Variants in IGSF23 observed in about 807,000 individuals in gnomAD.
IGSF23 encodes immunoglobulin superfamily, member 23.
IGSF23 carries 14 observed loss-of-function variants against 17.8 expected under a neutral mutation model. The observed-to-expected ratio is 0.79, with a 90% confidence interval of 0.52 to 1.23. The LOEUF (loss-of-function observed/expected upper bound fraction) is 1.23, where lower values mean the gene tolerates loss of function less well. Ranked by LOEUF, IGSF23 falls within the 50% of genes most tolerant of loss-of-function variation. The pLI, the probability that IGSF23 is intolerant of heterozygous loss-of-function variation, is 0.00. For missense variants in IGSF23, 214 were observed against 241.7 expected, an observed-to-expected ratio of 0.89 and a Z score of 0.76; for synonymous variants, 85 against 92.5, an observed-to-expected ratio of 0.92 and a Z score of 0.46.
At position 44,623,932 on chromosome 19, in the gene IGSF23, GA is replaced by G; in HGVS notation, c.354del (p.Lys118AsnfsTer8). 6.4e-7 allele frequency: 1 copy of G among 1,550,782 alleles called. No homozygotes were observed. The highest frequency in any genetic ancestry group is 1.2e-5 in the South Asian group (1 of 84,064). ...ACATGTGCATAGCCACAAACAGCAAGAAACAGCTGGTCTCTGAGCCTGTAAC... is the reference window on the plus strand; with the variant it reads ...ACATGTGCATAGCCACAAACAGCAAGAACAGCTGGTCTCTGAGCCTGTAAC... ...TYMCIATNSK[K>X]QLVSEPVTIS... On this transcript the variant is annotated frameshift_variant, in exon 2 of 5. Transcript: ENST00000402988. LOFTEE classifies it high-confidence loss of function.
At position 44,629,048 on chromosome 19, in the gene IGSF23, A is replaced by G. The variant is rs145353460; in HGVS notation, c.545+1475A>G. 4.5e-3 allele frequency among the ~76,000 whole-genome samples: 678 copies of G among 152,264 alleles called. 2 individuals are homozygous for G. The highest frequency in any genetic ancestry group is 0.014 in the African/African-American group (600 of 41,548). On this transcript the variant is annotated intron_variant, in intron 3 of 4. Coordinates refer to ENST00000402988, the MANE Select transcript of IGSF23 (RefSeq NM_001205280.2). Reference sequence around the variant, plus strand: ...GCCCAGGGTGGCCAGAGTGGTGTGAAGAATGGGCAGAGAAGTAACATGTGG... The same window carrying G: ...GCCCAGGGTGGCCAGAGTGGTGTGAGGAATGGGCAGAGAAGTAACATGTGG...
intron 1 of IGSF23, among the ~76,000 whole-genome samples, chr19:44,620,370 T>C (rs1266431910): frequency 1.3e-5 from 2 of 151,266 alleles, no homozygotes; most frequent in Admixed American, 6.6e-5. Flanking sequence ...TGTGTGTGTG[T>C]GTGTGTGTGT....
At chr19:44,634,622 G>C (rs1972845063) in intron 3 of IGSF23, among the ~76,000 whole-genome samples, 1 of 152,130 alleles carries the variant, frequency 6.6e-6, no homozygotes, top group African/African-American at 2.4e-5. Flanking sequence ...GCGTCCTCCA[G>C]AAAAGAAAGA....
At chr19:44,634,360 A>C (rs925785025) in intron 3 of IGSF23, among the ~76,000 whole-genome samples, 32 of 152,148 alleles carry the variant, frequency 2.1e-4, no homozygotes, top group Non-Finnish European at 4.4e-5. Context: ...CTGGCAGCTG[A>C]CTTGCTGATT....
chr19:44,613,904 C>T, intron 1 of IGSF23, 134 bp downstream of exon 1: 1 of 1,548,410 alleles, frequency 6.5e-7, no homozygotes, highest in South Asian at 1.2e-5. Context: ...ACCTTCTCTG[C>T]ACAGTCCCTG....
intron 1 of IGSF23, among the ~76,000 whole-genome samples, chr19:44,621,000 G>C (rs575193140): frequency 3.3e-5 from 5 of 152,154 alleles, no homozygotes; most frequent in Admixed American, 6.5e-5. Flanking sequence ...TGTTAGCCCT[G>C]GCCAGGTGCT....
chr19:44,619,977 A>T (rs1225773453), intron 1 of IGSF23, among the ~76,000 whole-genome samples: 1 of 152,196 alleles, frequency 6.6e-6, no homozygotes, highest in Admixed American at 6.6e-5. Flanking sequence ...AGACTCAAAA[A>T]GTTCCAGTGT....
chr19:44,634,286 C>T (rs1442512995), intron 3 of IGSF23, among the ~76,000 whole-genome samples: 2 of 152,188 alleles, frequency 1.3e-5, no homozygotes, highest in African/African-American at 4.8e-5. Flanking sequence ...CTGATTAGCC[C>T]AGTGTTTTCC....
intron 2 of IGSF23, among the ~76,000 whole-genome samples, 177 bp from the exon 3 acceptor site, chr19:44,627,243 G>A (rs1332798163): frequency 1.3e-5 from 2 of 152,194 alleles, no homozygotes; most frequent in African/African-American, 4.8e-5. Context: ...GTGGTAGGAA[G>A]GTGGATGGGT....
intron 1 of IGSF23, among the ~76,000 whole-genome samples, chr19:44,621,108 G>A (rs745533288): frequency 5.4e-4 from 80 of 147,002 alleles, no homozygotes; most frequent in African/African-American, 1.9e-3. Context: ...ATGATGAGAC[G>A]CCCATCTCAA....
At chr19:44,621,495 C>G (rs1029489364) in intron 1 of IGSF23, among the ~76,000 whole-genome samples, 8 of 150,510 alleles carry the variant, frequency 5.3e-5, no homozygotes, top group Non-Finnish European at 1.0e-4. Flanking sequence ...CAAAAAATAG[C>G]TGGATGTAGT....
rs749172636 is a variant in IGSF23 at position 44,613,710 on chromosome 19, C to T, written c.65C>T (p.Thr22Ile). 1.1e-5 allele frequency: 17 copies of T among 1,550,492 alleles called. No homozygotes were observed. In the South Asian group the frequency reaches 1.2e-4, roughly 11 times the overall value. ...NPVPAWSPPT[T>I]TTDPMLEKDA... Reference sequence around the variant, plus strand: ...GTCCCAGCCTGGTCCCCACCCACCACCACCACTGACCCGATGCTAGAGAAG... The same window carrying T: ...GTCCCAGCCTGGTCCCCACCCACCATCACCACTGACCCGATGCTAGAGAAG... The change falls in exon 1 of 5, where the codon ACC (threonine) becomes ATC (isoleucine). Residue 22 changes from threonine (T) to isoleucine (I), a missense_variant. Thr to Ile is a moderately conservative substitution (Grantham distance 89, BLOSUM62 -1). Coordinates refer to ENST00000402988, the MANE Select transcript of IGSF23 (RefSeq NM_001205280.2).
At chr19:44,621,753 G>A (rs1299636800) in intron 1 of IGSF23, among the ~76,000 whole-genome samples, 1 of 152,136 alleles carries the variant, frequency 6.6e-6, no homozygotes, top group East Asian at 1.9e-4. Context: ...CTAACCAAAA[G>A]GCAAGTGTAG....
At chr19:44,635,348 T>C in intron 3 of IGSF23, 53 bp from the exon 4 acceptor site, 1 of 976,324 alleles carries the variant, frequency 1.0e-6, no homozygotes, top group East Asian at 4.1e-5. Context: ...ATGATTCTTA[T>C]TCTCTCTCTC....
At chr19:44,617,304 C>T (rs996538216) in intron 1 of IGSF23, among the ~76,000 whole-genome samples, 6 of 150,948 alleles carry the variant, frequency 4.0e-5, no homozygotes, top group Admixed American at 1.3e-4. Context: ...TTTGGGGTGA[C>T]GAAAATGTCC....
At chr19:44,627,618 G>GC (rs765306451) in intron 3 of IGSF23, 45 bp downstream of exon 3, 27 of 1,515,736 alleles carry the variant, frequency 1.8e-5, no homozygotes, top group Non-Finnish European at 2.3e-5. Flanking sequence ...CATCCACTCA[G>GC]CCCCCATGGG....
At chr19:44,631,252 G>A (rs1023164317) in intron 3 of IGSF23, among the ~76,000 whole-genome samples, 2 of 152,042 alleles carry the variant, frequency 1.3e-5, no homozygotes, top group Non-Finnish European at 2.9e-5. Context: ...GGGTGACAGA[G>A]TGAGACTCTG....
At chr19:44,615,207 T>C (rs1289944767) in intron 1 of IGSF23, among the ~76,000 whole-genome samples, 1 of 152,064 alleles carries the variant, frequency 6.6e-6, no homozygotes, top group Non-Finnish European at 1.5e-5. Flanking sequence ...GAGAATGGCG[T>C]GAACCCGGGA....
rs1309393020 is a variant in IGSF23, at chr19:44,635,442, G to A, written c.*8G>A. 5 of 1,549,158 alleles carry A rather than the reference G, an allele frequency of 3.2e-6. No homozygotes were observed. The highest frequency in any genetic ancestry group is 2.6e-6 in the Non-Finnish European group (3 of 1,146,470). On this transcript the variant is annotated 3_prime_UTR_variant, in exon 4 of 5. Transcript: ENST00000402988. ...ATAGGAATATGCAGCTGAAATGTGG[G>A]CAACTCTCCTGTCAGCTGAAGAGGT...
Sources: allele counts gnomAD v4.1 joint callset (sites outside exome capture counted in the v4.1 genomes callset), GRCh38; gene constraint gnomAD v4.1.1; transcripts MANE v1.5; gene names NCBI Gene and HGNC (gene_info 2026-07-23, HGNC 2026-07-21).